The following WASF1 variants were observed in gnomAD, a reference collection of about 807,000 sequenced individuals.
WASF1 encodes the protein actin-binding protein WASF1.
WASF1 carries 7 observed loss-of-function variants against 50.5 expected under a neutral mutation model. The ratio of observed to expected loss-of-function variants is 0.14; its 90% CI spans 0.08 to 0.26. The LOEUF is 0.26. WASF1 is among the 10% of genes least tolerant of loss of function. WASF1 has a pLI of 1.00. For missense variants in WASF1, 470 were observed against 694.7 expected, an observed-to-expected ratio of 0.68 and a Z score of 3.64; for synonymous variants, 205 against 244.0, an observed-to-expected ratio of 0.84 and a Z score of 1.49.
intron 3 of WASF1, among the ~76,000 whole-genome samples, chr6:110,159,438 C>T (rs546903785): frequency 6.6e-6 from 1 of 151,942 alleles, no homozygotes; most frequent in South Asian, 2.1e-4. Context: ...GGAACATTAT[C>T]ACTGAAGTGA....
chr6:110,179,044 G>A (rs773754373), intron 1 of WASF1, among the ~76,000 whole-genome samples: 8 of 152,262 alleles, frequency 5.3e-5, no homozygotes, highest in Non-Finnish European at 1.0e-4. Context: ...CGTAGGGCGA[G>A]CAGGGGATTC....
intron 3 of WASF1, among the ~76,000 whole-genome samples, chr6:110,146,219 A>G (rs940161032): frequency 6.6e-6 from 1 of 152,256 alleles, no homozygotes; most frequent in Non-Finnish European, 1.5e-5. Flanking sequence ...CTAAAGGAAC[A>G]GGTTAAAATA....
intron 2 of WASF1, among the ~76,000 whole-genome samples, chr6:110,167,777 A>G (rs1034669260): frequency 2.6e-5 from 4 of 152,058 alleles, no homozygotes; most frequent in Admixed American, 2.0e-4. Flanking sequence ...ATAATTAAAA[A>G]TAAGTGACTT....
chr6:110,120,276 T>C (rs1389422273), intron 4 of WASF1, among the ~76,000 whole-genome samples: 1 of 152,204 alleles, frequency 6.6e-6, no homozygotes, highest in Non-Finnish European at 1.5e-5. Flanking sequence ...GACATGATTG[T>C]ATATTTAGAA....
chr6:110,110,486 C>T (rs1773507952), intron 5 of WASF1, among the ~76,000 whole-genome samples: 2 of 152,166 alleles, frequency 1.3e-5, no homozygotes, highest in Non-Finnish European at 2.9e-5. Context: ...CGCCAAACTT[C>T]CTTGGTAAAG....
chr6:110,166,483 C>G (rs1182113563), intron 2 of WASF1, among the ~76,000 whole-genome samples: 1 of 151,756 alleles, frequency 6.6e-6, no homozygotes, highest in African/African-American at 2.4e-5. Flanking sequence ...ACCAGAAAGT[C>G]AACATGAAAT....
Position 110,160,663 on chromosome 6 carries a change from T to C in WASF1, c.-57A>G, listed in dbSNP as rs1330970586. Reference sequence around the variant, plus strand: ...GAAGATTTTAACGATTTTGCAGCCATAGCTTCCACTGCAACTTTACTCCAA... The same window carrying C: ...GAAGATTTTAACGATTTTGCAGCCACAGCTTCCACTGCAACTTTACTCCAA... On this transcript the variant is annotated 5_prime_UTR_variant, in exon 3 of 11. The change abolishes an upstream ATG in the 5' untranslated region. Coordinates refer to ENST00000392589, the MANE Select transcript of WASF1 (RefSeq NM_003931.3). 1.3e-5 allele frequency: 2 copies of C among 151,762 alleles called. No homozygotes were observed. Among genetic ancestry groups the C allele is most frequent in the Admixed American group, 6.6e-5 (1 of 15,206 alleles). The allele number at this position is 151,762 out of a possible 1,614,324, so 9.4% of individuals were successfully genotyped here.
chr6:110,178,949 C>T (rs971262587), intron 1 of WASF1, among the ~76,000 whole-genome samples: 3 of 152,226 alleles, frequency 2.0e-5, no homozygotes, highest in Non-Finnish European at 4.4e-5. Flanking sequence ...AGGATGCCCG[C>T]ACTCGCTTTA....
At chr6:110,159,985 C>T (rs1776195940) in intron 3 of WASF1, among the ~76,000 whole-genome samples, 1 of 151,752 alleles carries the variant, frequency 6.6e-6, no homozygotes, top group Admixed American at 6.6e-5. Flanking sequence ...ATGGCTTCAG[C>T]AATTTTTCAA....
Position 110,127,463 on chromosome 6 carries a change from A to G in WASF1, c.133+6T>C. 1 of 1,585,870 alleles carries G rather than the reference A, an allele frequency of 6.3e-7. No individual in the cohort carries two copies. The highest frequency in any genetic ancestry group is 1.2e-5 in the South Asian group (1 of 84,200). On this transcript the variant is annotated splice_donor_region_variant and intron_variant, in intron 4 of 10. Transcript: ENST00000392589. ...GTGAGTATATTTTTAATTGATATAT[A>G]CTTACTTAGGCTACTTAGTTGTCTA...
Position 110,127,551 on chromosome 6 carries a change from T to C in WASF1, c.51A>G (p.Ala17=). 1 of 1,596,520 alleles carries C rather than the reference T, an allele frequency of 6.3e-7. No individual in the cohort carries two copies. The highest frequency in any genetic ancestry group is 8.5e-7 in the Non-Finnish European group (1 of 1,172,328). The change falls in exon 4 of 11, where the codon GCA becomes GCG. Residue 17 remains alanine (A), a synonymous_variant. Transcript: ENST00000392589. ...GTTCATTCTTAATGCCTCTAGGCAG[T>C]GCTGTGTGGCACAAGTGCCTAGGAT... ...NIDPRHLCHT[A]LPRGIKNELE...
At chr6:110,105,728 G>T in intron 7 of WASF1, 149 bp from the exon 8 acceptor site, 2 of 781,322 alleles carry the variant, frequency 2.6e-6, no homozygotes, top group Non-Finnish European at 4.0e-6. Context: ...TGGTTTACTT[G>T]TACATTCAGT....
chr6:110,136,001 A>G (rs1774949070), intron 3 of WASF1, among the ~76,000 whole-genome samples: 1 of 147,826 alleles, frequency 6.8e-6, no homozygotes, highest in African/African-American at 2.5e-5. Flanking sequence ...CTTCTGCCTC[A>G]GCCTCCCGAG....
intron 3 of WASF1, among the ~76,000 whole-genome samples, chr6:110,136,730 G>T (rs972175248): frequency 4.6e-5 from 7 of 152,292 alleles, no homozygotes; most frequent in Non-Finnish European, 7.4e-5. Flanking sequence ...ACAGAATACA[G>T]TTAGCTGCTG....
At chr6:110,175,072 A>G (rs758776126) in intron 2 of WASF1, among the ~76,000 whole-genome samples, 1 of 152,100 alleles carries the variant, frequency 6.6e-6, no homozygotes, top group Non-Finnish European at 1.5e-5. Flanking sequence ...CCAAAGCTCC[A>G]TAGCACCCCA....
chr6:110,166,465 C>G (rs753118489), intron 2 of WASF1, among the ~76,000 whole-genome samples: 3 of 151,764 alleles, frequency 2.0e-5, no homozygotes, highest in Non-Finnish European at 4.4e-5. Context: ...CAAAAAATGA[C>G]CAGGGACACC....
chr6:110,174,068 C>T (rs1008270585), intron 2 of WASF1, among the ~76,000 whole-genome samples: 4 of 152,138 alleles, frequency 2.6e-5, no homozygotes, highest in Non-Finnish European at 4.4e-5. Context: ...CCAAACCTCA[C>T]GTAGGCCCTC....
chr6:110,137,772 A>T (rs1256695125), intron 3 of WASF1, among the ~76,000 whole-genome samples: 3 of 152,258 alleles, frequency 2.0e-5, no homozygotes, highest in African/African-American at 7.2e-5. Context: ...AAAGGAAATT[A>T]AAAAACATCT....
chr6:110,109,880 TCTC>T (rs1304639387), intron 5 of WASF1, among the ~76,000 whole-genome samples: 1 of 151,826 alleles, frequency 6.6e-6, no homozygotes, highest in Admixed American at 6.6e-5. Flanking sequence ...AAGTTATCCT[TCTC>T]CTTAAAATAA....
Sources: allele counts gnomAD v4.1 joint callset (sites outside exome capture counted in the v4.1 genomes callset), GRCh38; gene constraint gnomAD v4.1.1; transcripts MANE v1.5; gene names NCBI Gene and HGNC (gene_info 2026-07-23, HGNC 2026-07-21).